Variants in ARPP21 observed in about 807,000 individuals in gnomAD.
The protein encoded by ARPP21 is cAMP regulated phosphoprotein 21.
Under a neutral mutation model 113.2 loss-of-function variants are expected in ARPP21, and 69 were observed. The observed-to-expected ratio is 0.61, with a 90% CI of 0.50 to 0.74. The LOEUF (loss-of-function observed/expected upper bound fraction) is 0.74, where lower values mean the gene tolerates loss of function less well. ARPP21 is among the 30% of genes least tolerant of loss of function. ARPP21 has a pLI of 0.00. For missense variants in ARPP21, 1,070 were observed against 1,037.4 expected (o/e 1.03, Z -0.43); for synonymous variants, 368 against 375.5 (o/e 0.98, Z 0.23).
At position 35,640,257 on chromosome 3, in the gene ARPP21, C is replaced by T. The variant is rs1040444869; in HGVS notation, c.-354C>T. The T allele has an allele frequency of 6.6e-6, 1 of 152,418 alleles. No homozygotes were observed. Among genetic ancestry groups the T allele is most frequent in the Non-Finnish European group, 1.5e-5 (1 of 68,212 alleles). 9.4% of individuals were successfully genotyped at this position (152,418 alleles called of 1,614,324 possible). The stretch of plus-strand genomic sequence containing the variant: ...CAAACAAACCCAACAACAACAACAA[C>T]AACAAAAGCCAAGCCAAAAGCCAAA... On this transcript the variant is annotated 5_prime_UTR_variant, in exon 1 of 21. Transcript: ENST00000684406.
chr3:35,722,005 A>G (rs1480596480), intron 14 of ARPP21, among the ~76,000 whole-genome samples, 171 bp downstream of exon 14: 3 of 152,206 alleles, frequency 2.0e-5, no homozygotes, highest in Non-Finnish European at 4.4e-5. Context: ...CTTTCCAGTT[A>G]TGTGCCTAGG....
intron 19 of ARPP21, among the ~76,000 whole-genome samples, chr3:35,764,078 A>T (rs1387572679): frequency 6.6e-6 from 1 of 152,156 alleles, no homozygotes; most frequent in African/African-American, 2.4e-5. Flanking sequence ...ACAATGAAAA[A>T]AAAAGTACAT....
intron 19 of ARPP21, among the ~76,000 whole-genome samples, chr3:35,759,340 T>C (rs1221756207): frequency 6.6e-6 from 1 of 152,096 alleles, no homozygotes; most frequent in African/African-American, 2.4e-5. Flanking sequence ...CAATACAGTT[T>C]GTCCCTCTTT....
rs1366821666 is a variant in ARPP21, at chr3:35,639,892, T to TGGCAGCTTTGAGAGC, written c.-718_-704dup. ...CGCACAGACTGGCAGCCTGCGAGAGTGGCAGCTTTGAGAGCAGAGCGCAGC... is the reference window on the plus strand; with the variant it reads ...CGCACAGACTGGCAGCCTGCGAGAGTGGCAGCTTTGAGAGCGGCAGCTTTGAGAGCAGAGCGCAGC... On this transcript the variant is annotated 5_prime_UTR_variant, in exon 1 of 21. Coordinates refer to ENST00000684406, the MANE Select transcript of ARPP21 (RefSeq NM_001385562.1). The surrounding 1 kb of genome is among the most constrained non-coding windows in gnomAD (Gnocchi z 5.0). The TGGCAGCTTTGAGAGC allele has an allele frequency of 6.6e-6, 1 of 151,772 alleles. No homozygotes were observed. Among genetic ancestry groups the TGGCAGCTTTGAGAGC allele is most frequent in the Non-Finnish European group, 1.5e-5 (1 of 68,000 alleles). The allele number at this position is 151,772 out of a possible 1,614,324, so 9.4% of individuals were successfully genotyped here.
intron 1 of ARPP21, among the ~76,000 whole-genome samples, chr3:35,653,477 A>G (rs538068259): frequency 6.6e-6 from 1 of 152,126 alleles, no homozygotes; most frequent in East Asian, 1.9e-4. Flanking sequence ...AAGTACACGG[A>G]AATTTGTCTG....
intron 12 of ARPP21, among the ~76,000 whole-genome samples, chr3:35,716,307 G>C (rs868349761): frequency 1.3e-5 from 2 of 152,016 alleles, no homozygotes; most frequent in Admixed American, 6.5e-5. Flanking sequence ...TTTTATTTCA[G>C]GGTTTTGCTT....
intron 19 of ARPP21, among the ~76,000 whole-genome samples, chr3:35,745,469 T>C (rs74920665): frequency 0.065 from 9,865 of 152,238 alleles, 880 homozygotes; most frequent in African/African-American, 0.2. Context: ...ATGATTTTTA[T>C]TAGGTTTGGT....
chr3:35,691,020 T>C lies in ARPP21; in HGVS notation c.686+15T>C. 6.3e-7 allele frequency: 1 copy of C among 1,594,882 alleles called. No homozygotes were observed. Among genetic ancestry groups the C allele is most frequent in the Non-Finnish European group, 8.5e-7 (1 of 1,171,824 alleles). Reference sequence around the variant, plus strand: ...AGCACCAGAATGTAAGCCCCATCACTGTACTTATTTAGCATTTTCTTTTTC... The same window carrying C: ...AGCACCAGAATGTAAGCCCCATCACCGTACTTATTTAGCATTTTCTTTTTC... On this transcript the variant is annotated intron_variant, in intron 9 of 20. Coordinates refer to ENST00000684406, the MANE Select transcript of ARPP21 (RefSeq NM_001385562.1).
intron 1 of ARPP21, among the ~76,000 whole-genome samples, chr3:35,674,541 A>G (rs1158440940): frequency 6.6e-6 from 1 of 151,856 alleles, no homozygotes; most frequent in South Asian, 2.1e-4. Context: ...GCCTACCTAC[A>G]AAACCTGGGT....
At chr3:35,709,338 A>G (rs2090309974) in intron 11 of ARPP21, among the ~76,000 whole-genome samples, 1 of 152,210 alleles carries the variant, frequency 6.6e-6, no homozygotes, top group Admixed American at 6.5e-5. Flanking sequence ...GACCTTAAAT[A>G]CAGAAAGTGT....
intron 19 of ARPP21, chr3:35,744,598 G>A (rs567191986): frequency 6.1e-6 from 3 of 495,204 alleles, no homozygotes; most frequent in East Asian, 6.2e-5. Flanking sequence ...AGAGCAGCAC[G>A]AACCCGACAG....
intron 19 of ARPP21, among the ~76,000 whole-genome samples, chr3:35,778,722 G>A (rs904524427): frequency 6.0e-5 from 9 of 150,300 alleles, no homozygotes; most frequent in African/African-American, 2.2e-4. Flanking sequence ...CCTAATTCTG[G>A]CACTACTAAA....
Position 35,794,085 on chromosome 3 carries a change from T to C in ARPP21, c.*127T>C. On this transcript the variant is annotated 3_prime_UTR_variant, in exon 21 of 21. Transcript: ENST00000684406. ...ACTCAAATGATTGCTGCTGGTATTC[T>C]GTAAAAAATAAACAAAGACTAATAT... 1 of 854,588 alleles carries C rather than the reference T, an allele frequency of 1.2e-6. No homozygotes were observed. The highest frequency in any genetic ancestry group is 1.8e-6 in the Non-Finnish European group (1 of 554,494). 52.9% of individuals were successfully genotyped at this position (854,588 alleles called of 1,614,324 possible). A position where few individuals can be genotyped will look rare whatever the true frequency, so the allele number is the denominator to read the frequency against.
At chr3:35,707,182 C>T (rs2089439655) in intron 10 of ARPP21, 100 bp downstream of exon 10, 1 of 828,846 alleles carries the variant, frequency 1.2e-6, no homozygotes, top group South Asian at 1.6e-5. Context: ...TCCCTCCAAT[C>T]CTCCCCTGCC....
At chr3:35,646,617 A>G (rs1408944032) in intron 1 of ARPP21, among the ~76,000 whole-genome samples, 1 of 152,134 alleles carries the variant, frequency 6.6e-6, no homozygotes, top group African/African-American at 2.4e-5. Context: ...TAAGGTTTTT[A>G]GTCAAATCAT....
intron 9 of ARPP21, 143 bp downstream of exon 9, chr3:35,691,148 C>A: frequency 1.1e-6 from 1 of 876,758 alleles, no homozygotes; most frequent in Non-Finnish European, 1.6e-6. Context: ...AGTAGTGTGG[C>A]ATTTATCTGT....
chr3:35,721,723 C>G lies in ARPP21; in HGVS notation c.1114C>G (p.Arg372Gly), dbSNP rs778238399. ...CAGCACAGACTCCGACAGTTCCAAC[C>G]GCAATCTAAAGCCCGCCATGACCAA... ...WSSTDSDSSNRNLKPAMTKTA... is the reference protein window; with the variant it reads ...WSSTDSDSSNGNLKPAMTKTA... Residue 372 changes from arginine (R) to glycine (G), a missense_variant, in exon 14 of 21, where the codon CGC becomes GGC. Coordinates refer to ENST00000684406, the MANE Select transcript of ARPP21 (RefSeq NM_001385562.1). 2 of 1,613,826 alleles carry G rather than the reference C, an allele frequency of 1.2e-6. No homozygotes were observed. Among genetic ancestry groups the G allele is most frequent in the Non-Finnish European group, 1.7e-6 (2 of 1,179,868 alleles).
chr3:35,783,657 G>A (rs542026406), intron 19 of ARPP21, among the ~76,000 whole-genome samples: 1 of 152,120 alleles, frequency 6.6e-6, no homozygotes, highest in Admixed American at 6.6e-5. Context: ...TTATGAAATG[G>A]CTGTTGATCA....
At chr3:35,656,259 A>G (rs1000082330) in intron 1 of ARPP21, among the ~76,000 whole-genome samples, 2 of 152,058 alleles carry the variant, frequency 1.3e-5, no homozygotes, top group Admixed American at 6.6e-5. Flanking sequence ...CTGAGATATA[A>G]TAATAATCCC....
Sources: allele counts gnomAD v4.1 joint callset (sites outside exome capture counted in the v4.1 genomes callset), GRCh38; gene constraint gnomAD v4.1.1; non-coding constraint Gnocchi (gnomAD v3.1); transcripts MANE v1.5; gene names NCBI Gene and HGNC (gene_info 2026-07-23, HGNC 2026-07-21).